The following TOX2 variants were observed in gnomAD, a reference collection of about 807,000 sequenced individuals.
TOX2 encodes the protein granulosa cell HMG box 1.
A neutral mutation model predicts 47.4 loss-of-function variants in TOX2; 15 were observed. The ratio of observed to expected loss-of-function variants is 0.32; its 90% CI spans 0.21 to 0.49. TOX2 has a LOEUF of 0.49. Ranked by LOEUF, TOX2 falls within the 20% of genes least tolerant of loss-of-function variation. TOX2 has a pLI of 0.99. For synonymous variants in TOX2, 290 were observed against 296.6 expected (o/e 0.98, Z 0.23); for missense variants, 622 against 673.1 (o/e 0.92, Z 0.84).
chr20:43,945,645 C>A (rs969825343), intron 1 of TOX2: 1 of 402,322 alleles, frequency 2.5e-6, no homozygotes, highest in Non-Finnish European at 4.7e-6. Context: ...GACGTGGAGC[C>A]GCGCTGTACT....
chr20:43,983,355 G>A (rs994188780), intron 2 of TOX2, among the ~76,000 whole-genome samples: 4 of 152,122 alleles, frequency 2.6e-5, no homozygotes, highest in Non-Finnish European at 4.4e-5. Flanking sequence ...TTCCTTCACA[G>A]ATCCCCAAGT....
At chr20:43,967,972 AAAC>A (rs2069889086) in intron 1 of TOX2, among the ~76,000 whole-genome samples, 1 of 152,216 alleles carries the variant, frequency 6.6e-6, no homozygotes, top group Admixed American at 6.5e-5. Context: ...CCCATAAAAA[AAAC>A]TGTGGCTACT....
Position 44,006,635 on chromosome 20 carries a change from T to C in TOX2, c.254T>C (p.Leu85Pro). The C allele has an allele frequency of 8.1e-6, 13 of 1,614,096 alleles. No homozygotes were observed. Among genetic ancestry groups the C allele is most frequent in the East Asian group, 2.2e-5 (1 of 44,886 alleles). Reference protein sequence around the residue: ...PNLPEPSLLHLGDHEASYHSL... With the variant: ...PNLPEPSLLHPGDHEASYHSL... The stretch of plus-strand genomic sequence containing the variant: ...CTCCCGGAGCCATCCCTCCTGCACC[T>C]GGGGGACCACGAAGCCAGCTACCAC... Residue 85 changes from leucine to proline, a missense_variant, in exon 3 of 9, where the codon CTG becomes CCG. This residue lies in a region of TOX2 where 307 missense variants were observed against 327.3 expected (regional missense o/e 0.94). Transcript: ENST00000341197.
At chr20:43,940,396 T>TG (rs2069386943) in intron 1 of TOX2, among the ~76,000 whole-genome samples, 1 of 151,780 alleles carries the variant, frequency 6.6e-6, no homozygotes, top group Non-Finnish European at 1.5e-5. Flanking sequence ...TTTTTTTTTT[T>TG]GTCTGTTTTT....
chr20:43,951,705 A>ATTTTT (rs1212223106), intron 1 of TOX2, among the ~76,000 whole-genome samples: 19 of 30,376 alleles, frequency 6.3e-4, no homozygotes, highest in East Asian at 3.6e-3. Flanking sequence ...TAAACTTATT[A>ATTTTT]TGTTTTTTTT....
chr20:43,924,296 G>T (rs938167138), intron 1 of TOX2, among the ~76,000 whole-genome samples: 1 of 152,198 alleles, frequency 6.6e-6, no homozygotes, highest in Non-Finnish European at 1.5e-5. Flanking sequence ...TCTGCTCTGC[G>T]TAGGAAAGGC....
intron 5 of TOX2, among the ~76,000 whole-genome samples, chr20:44,060,297 C>A (rs2071695564): frequency 6.6e-6 from 1 of 151,994 alleles, no homozygotes; most frequent in African/African-American, 2.4e-5. Context: ...GACAGTAAAA[C>A]AACAATAGCG....
chr20:44,053,039 A>G (rs939343198), intron 4 of TOX2, among the ~76,000 whole-genome samples: 3 of 152,212 alleles, frequency 2.0e-5, no homozygotes, highest in African/African-American at 7.2e-5. Flanking sequence ...CTTTGTCATC[A>G]GGTCAACATG....
chr20:44,031,304 CT>C (rs1377374587), intron 3 of TOX2, among the ~76,000 whole-genome samples: 9 of 152,184 alleles, frequency 5.9e-5, no homozygotes, highest in Admixed American at 5.2e-4. Context: ...TGGAATAAGC[CT>C]GTATGACTGA....
intron 3 of TOX2, chr20:44,039,086 C>T: frequency 7.8e-7 from 1 of 1,274,604 alleles, no homozygotes; most frequent in Non-Finnish European, 1.0e-6. Context: ...AGCCCTCTGC[C>T]TGGTGCTGGG....
intron 4 of TOX2, among the ~76,000 whole-genome samples, chr20:44,053,601 TATATATACATATACACACACACACACAC>T (rs2071565459): frequency 7.3e-5 from 5 of 68,600 alleles, no homozygotes; most frequent in South Asian, 4.4e-4. Flanking sequence ...TACACACACA[TATATATACATATACACACACACACACAC>T]GTATATACAC....
At chr20:43,965,693 G>T (rs771622023) in intron 1 of TOX2, among the ~76,000 whole-genome samples, 3 of 152,184 alleles carry the variant, frequency 2.0e-5, no homozygotes, top group African/African-American at 7.2e-5. Context: ...TACAACAAAG[G>T]CACTGCCTGG....
chr20:43,927,638 T>TCCTC (rs2069190501), intron 1 of TOX2, among the ~76,000 whole-genome samples: 1 of 122,606 alleles, frequency 8.2e-6, no homozygotes, highest in Non-Finnish European at 1.6e-5. Context: ...CTTCCTTCCT[T>TCCTC]CCTCCCCTTC....
intron 1 of TOX2, among the ~76,000 whole-genome samples, chr20:43,966,773 G>T (rs906207344): frequency 6.7e-6 from 1 of 150,182 alleles, no homozygotes; most frequent in East Asian, 1.9e-4. Flanking sequence ...AAAAAAAAGT[G>T]GGGGCACTGG....
chr20:43,974,245 G>A (rs986478974), intron 2 of TOX2, among the ~76,000 whole-genome samples: 4 of 151,822 alleles, frequency 2.6e-5, no homozygotes, highest in Admixed American at 2.6e-4. Context: ...AGGACCCTGG[G>A]GAATGTCATC....
At chr20:43,950,121 A>G (rs1019937966) in intron 1 of TOX2, among the ~76,000 whole-genome samples, 1 of 152,142 alleles carries the variant, frequency 6.6e-6, no homozygotes, top group Non-Finnish European at 1.5e-5. Context: ...GTGTTCCCAA[A>G]GACACTTGGA....
chr20:43,975,273 T>C (rs983007823), intron 2 of TOX2, among the ~76,000 whole-genome samples: 1 of 152,040 alleles, frequency 6.6e-6, no homozygotes, highest in Admixed American at 6.5e-5. Flanking sequence ...GAGAGCACAG[T>C]CGTTTGGAGA....
intron 1 of TOX2, among the ~76,000 whole-genome samples, chr20:43,951,184 G>A (rs1447783969): frequency 2.0e-5 from 3 of 152,182 alleles, no homozygotes; most frequent in Non-Finnish European, 4.4e-5. Flanking sequence ...GTTTGGCTTT[G>A]GAACCACATT....
chr20:44,023,304 C>G (rs927559666), intron 3 of TOX2, among the ~76,000 whole-genome samples: 1 of 143,210 alleles, frequency 7.0e-6, no homozygotes, highest in Non-Finnish European at 1.5e-5. Flanking sequence ...GTGGTGAACA[C>G]CTGTAATCCC....
Sources: gnomAD v4.1 joint callset for allele counts (sites outside exome capture counted in the v4.1 genomes callset) on GRCh38, gnomAD v4.1.1 for gene constraint, gnomAD v4.1.1 regional missense constraint, MANE v1.5 for transcripts, NCBI Gene and HGNC (gene_info 2026-07-23, HGNC 2026-07-21) for gene names.